FAM13A: variants seen among roughly 807,000 people sequenced by gnomAD.
FAM13A encodes protein FAM13A.
Under a neutral mutation model 129.6 loss-of-function variants are expected in FAM13A, and 76 were observed. That is an observed-to-expected ratio of 0.59 (90% CI 0.49 to 0.71). The LOEUF is 0.71. Among genes scored for constraint, FAM13A ranks in the 30% least tolerant of loss-of-function variants. FAM13A has a pLI of 0.00. For missense variants in FAM13A, 1,108 were observed against 1,249.3 expected (o/e 0.89, Z 1.70); for synonymous variants, 443 against 449.9 (o/e 0.98, Z 0.20).
At chr4:88,900,926 G>A (rs1449762773) in intron 6 of FAM13A, among the ~76,000 whole-genome samples, 1 of 151,768 alleles carries the variant, frequency 6.6e-6, no homozygotes, top group African/African-American at 2.4e-5. Flanking sequence ...ACACACATAG[G>A]GTCAAAATAA....
At chr4:88,987,337 G>A (rs1210252307) in intron 4 of FAM13A, among the ~76,000 whole-genome samples, 1 of 152,140 alleles carries the variant, frequency 6.6e-6, no homozygotes, top group African/African-American at 2.4e-5. Context: ...TAGTGAATAG[G>A]GAGGAATACA....
chr4:88,831,490 GA>G (rs1353580158), intron 7 of FAM13A, among the ~76,000 whole-genome samples: 1 of 152,166 alleles, frequency 6.6e-6, no homozygotes, highest in Non-Finnish European at 1.5e-5. Context: ...CCTGAGACAT[GA>G]AATACCAAGC....
intron 1 of FAM13A, among the ~76,000 whole-genome samples, chr4:89,050,216 TTC>T (rs1771388881): frequency 6.6e-6 from 1 of 152,062 alleles, no homozygotes; most frequent in Admixed American, 6.6e-5. Context: ...CTCTTTTTTT[TTC>T]TTTTTTTGAG....
intron 4 of FAM13A, among the ~76,000 whole-genome samples, chr4:88,967,500 A>C (rs2148937374): frequency 6.6e-6 from 1 of 152,336 alleles, no homozygotes; most frequent in South Asian, 2.1e-4. Context: ...TTCCATGTGG[A>C]ACATTTTAAC....
intron 5 of FAM13A, among the ~76,000 whole-genome samples, chr4:88,907,076 G>C (rs1748291648): frequency 6.6e-6 from 1 of 152,224 alleles, no homozygotes; most frequent in Non-Finnish European, 1.5e-5. Flanking sequence ...AGGCATAACT[G>C]TATAGATTTA....
intron 6 of FAM13A, among the ~76,000 whole-genome samples, chr4:88,861,439 G>A (rs1473945143): frequency 1.3e-5 from 2 of 151,016 alleles, no homozygotes; most frequent in Non-Finnish European, 2.9e-5. Flanking sequence ...TTATTGCCTG[G>A]AATAGACTGG....
chr4:88,925,915 T>G (rs1752071438), intron 5 of FAM13A, among the ~76,000 whole-genome samples: 1 of 152,024 alleles, frequency 6.6e-6, no homozygotes, highest in South Asian at 2.1e-4. Context: ...GGGGAGGGCT[T>G]CGTGGAGGGG....
intron 2 of FAM13A, among the ~76,000 whole-genome samples, chr4:89,025,450 G>C (rs533101435): frequency 2.7e-5 from 4 of 150,836 alleles, no homozygotes; most frequent in African/African-American, 4.9e-5. Context: ...ATTTTTAGTA[G>C]AGACGGGGTT....
At chr4:88,992,232 T>G (rs1396514757) in intron 3 of FAM13A, among the ~76,000 whole-genome samples, 1 of 152,056 alleles carries the variant, frequency 6.6e-6, no homozygotes, top group Admixed American at 6.6e-5. Context: ...GCCTTACCAT[T>G]CTTTAACAAG....
chr4:88,773,081 A>G (rs749928193), intron 11 of FAM13A, among the ~76,000 whole-genome samples: 2 of 152,206 alleles, frequency 1.3e-5, no homozygotes, highest in Non-Finnish European at 2.9e-5. Flanking sequence ...TCTTTACATC[A>G]AAGTGATTTA....
Position 88,876,669 on chromosome 4 carries a change from G to T in FAM13A, c.844-25486C>A, listed in dbSNP as rs572674816. On this transcript the variant is annotated intron_variant, in intron 6 of 23. Transcript: ENST00000264344. The stretch of plus-strand genomic sequence containing the variant: ...TGCAGTGGCTCAATCTCGGCTCACT[G>T]CAAGCTCTGCCTCCCGAGTTCATGC... 1.6e-3 allele frequency among the ~76,000 whole-genome samples: 249 copies of T among 152,058 alleles called. 2 individuals are homozygous for T. Among genetic ancestry groups the T allele is most frequent in the South Asian group, 0.011 (51 of 4,810 alleles).
chr4:89,022,353 C>CTCAT (rs1767386340), intron 2 of FAM13A, among the ~76,000 whole-genome samples: 2 of 152,010 alleles, frequency 1.3e-5, no homozygotes, highest in Admixed American at 1.3e-4. Flanking sequence ...TATCATTACC[C>CTCAT]TCATGGACTT....
chr4:88,799,762 C>T (rs539339642), intron 8 of FAM13A, among the ~76,000 whole-genome samples: 65 of 152,248 alleles, frequency 4.3e-4, no homozygotes, highest in Middle Eastern at 6.8e-3. Context: ...GGATTACAGG[C>T]GTGAGCCACT....
At chr4:88,887,766 C>T (rs1029766125) in intron 6 of FAM13A, among the ~76,000 whole-genome samples, 3 of 152,112 alleles carry the variant, frequency 2.0e-5, no homozygotes, top group Non-Finnish European at 4.4e-5. Context: ...CTCCTGGCCT[C>T]CAGTGATCTG....
At chr4:88,829,831 T>G (rs1048393430) in intron 7 of FAM13A, among the ~76,000 whole-genome samples, 1 of 152,230 alleles carries the variant, frequency 6.6e-6, no homozygotes, top group Non-Finnish European at 1.5e-5. Flanking sequence ...AGTCAATTAA[T>G]GTGAATGCTC....
chr4:88,847,949 T>TC (rs202011509), intron 7 of FAM13A, among the ~76,000 whole-genome samples: 3 of 143,756 alleles, frequency 2.1e-5, no homozygotes, highest in African/African-American at 5.4e-5. Context: ...TGAGACTCTG[T>TC]CCCAAAAAAA....
At chr4:88,971,390 T>C (rs1397057168) in intron 4 of FAM13A, among the ~76,000 whole-genome samples, 6 of 152,258 alleles carry the variant, frequency 3.9e-5, no homozygotes, top group Non-Finnish European at 7.3e-5. Context: ...GCAGTCTTCA[T>C]AGACTTTTAG....
At chr4:88,946,895 A>C (rs115474105) in intron 4 of FAM13A, among the ~76,000 whole-genome samples, 2,062 of 152,240 alleles carry the variant, frequency 0.014, 50 homozygotes, top group African/African-American at 0.046. Flanking sequence ...CTGGAATGAC[A>C]AAAACTCAAA....
At chr4:88,766,633 TGCTGTA>T (rs1349625668) in intron 13 of FAM13A, among the ~76,000 whole-genome samples, 2 of 152,190 alleles carry the variant, frequency 1.3e-5, no homozygotes, top group Non-Finnish European at 2.9e-5. Flanking sequence ...TAAGCTGCTA[TGCTGTA>T]AAACTCCATG....
Sources: allele counts gnomAD v4.1 joint callset (sites outside exome capture counted in the v4.1 genomes callset), GRCh38; gene constraint gnomAD v4.1.1; transcripts MANE v1.5; gene names NCBI Gene and HGNC (gene_info 2026-07-23, HGNC 2026-07-21).